The following SLC10A7 variants were observed in gnomAD, a reference collection of about 807,000 sequenced individuals.
SLC10A7 encodes the protein sodium/bile acid cotransporter 7.
SLC10A7 carries 29 observed loss-of-function variants against 43.2 expected under a neutral mutation model. That is an observed-to-expected ratio of 0.67 (90% CI 0.50 to 0.92). The LOEUF (loss-of-function observed/expected upper bound fraction) is 0.92, where lower values mean the gene tolerates loss of function less well. SLC10A7 is among the 40% of genes least tolerant of loss of function. SLC10A7 has a pLI of 0.00. For synonymous variants in SLC10A7, 152 were observed against 144.8 expected, an observed-to-expected ratio of 1.05 and a Z score of -0.35; for missense variants, 295 against 403.2, an observed-to-expected ratio of 0.73 and a Z score of 2.30.
chr4:146,348,134 T>C (rs905827442), intron 5 of SLC10A7, among the ~76,000 whole-genome samples: 1 of 152,156 alleles, frequency 6.6e-6, no homozygotes. Context: ...ATTCAATGGA[T>C]CCAGTGTTTA....
intron 10 of SLC10A7, among the ~76,000 whole-genome samples, chr4:146,274,200 C>CTTT (rs35963098): frequency 9.3e-5 from 11 of 118,534 alleles, no homozygotes; most frequent in African/African-American, 2.6e-4. Flanking sequence ...TCAGATTATA[C>CTTT]TTTTTTTTTT....
At chr4:146,457,519 C>T (rs534373680) in intron 4 of SLC10A7, among the ~76,000 whole-genome samples, 2 of 151,794 alleles carry the variant, frequency 1.3e-5, no homozygotes, top group African/African-American at 4.8e-5. Flanking sequence ...CCTCATCGCC[C>T]CAAAAAACAT....
At chr4:146,355,993 A>C (rs1338719326) in intron 5 of SLC10A7, among the ~76,000 whole-genome samples, 1 of 150,398 alleles carries the variant, frequency 6.6e-6, no homozygotes, top group African/African-American at 2.4e-5. Flanking sequence ...TACATATGTA[A>C]CTAACCTGCA....
intron 10 of SLC10A7, among the ~76,000 whole-genome samples, chr4:146,261,782 A>T (rs973593890): frequency 1.3e-5 from 2 of 152,220 alleles, no homozygotes; most frequent in African/African-American, 4.8e-5. Flanking sequence ...AAAATAATAT[A>T]TCAGAGAAAA....
At chr4:146,459,282 A>G (rs375625976) in intron 4 of SLC10A7, among the ~76,000 whole-genome samples, 7 of 151,902 alleles carry the variant, frequency 4.6e-5, no homozygotes, top group East Asian at 1.9e-4. Context: ...TATAGACTCA[A>G]TGTAATCTCA....
chr4:146,283,651 C>T (rs150550418), intron 9 of SLC10A7, among the ~76,000 whole-genome samples: 1 of 152,270 alleles, frequency 6.6e-6, no homozygotes, highest in East Asian at 1.9e-4. Flanking sequence ...AGGAGCAACA[C>T]ATCCTTTTGG....
rs147881806 is a variant in SLC10A7 at position 146,458,702 on chromosome 4, C to T, written c.397-15881G>A. ...CATTGTAAAGGTTAAACAACTTCCT[C>T]GTTTTTACTATAAAACCCAATCTGC... On this transcript the variant is annotated intron_variant, in intron 4 of 11. Transcript: ENST00000335472. Among the ~76,000 whole-genome samples, 181 of 151,956 alleles carry T rather than the reference C, an allele frequency of 1.2e-3. 1 individual carries two copies. Among genetic ancestry groups the T allele is most frequent in the African/African-American group, 4.1e-3 (170 of 41,528 alleles).
intron 4 of SLC10A7, among the ~76,000 whole-genome samples, chr4:146,470,628 C>T (rs1365886171): frequency 1.3e-5 from 2 of 152,120 alleles, no homozygotes; most frequent in African/African-American, 2.4e-5. Context: ...CAAACTTGAA[C>T]ACAGTTTTTC....
At chr4:146,481,621 C>T (rs1006529570) in intron 4 of SLC10A7, among the ~76,000 whole-genome samples, 1 of 152,196 alleles carries the variant, frequency 6.6e-6, no homozygotes, top group Non-Finnish European at 1.5e-5. Flanking sequence ...GCTGTGCCCC[C>T]CAGGGGCAGT....
At chr4:146,374,601 C>CATAT (rs1337058848) in intron 5 of SLC10A7, among the ~76,000 whole-genome samples, 40 of 132,946 alleles carry the variant, frequency 3.0e-4, no homozygotes, top group African/African-American at 1.1e-3. Flanking sequence ...AAAATATATA[C>CATAT]ATATATATAT....
intron 5 of SLC10A7, among the ~76,000 whole-genome samples, chr4:146,350,787 G>T (rs369081146): frequency 9.6e-6 from 1 of 104,008 alleles, no homozygotes; most frequent in East Asian, 2.6e-4. Context: ...CACCTCACAC[G>T]GCAGGGTATT....
At position 146,398,015 on chromosome 4, in the gene SLC10A7, C is replaced by T. The variant is rs532241923; in HGVS notation, c.435+44768G>A. Among the ~76,000 whole-genome samples, 7 of 152,266 alleles carry T rather than the reference C, an allele frequency of 4.6e-5. No homozygotes were observed. The East Asian group carries it at 5.8e-4, about 13-fold the overall frequency. ...GGCAGCCCAGGTATATATAATGTCA[C>T]AAGTGTCCAAAGATTTATTGACGTA... On this transcript the variant is annotated intron_variant, in intron 5 of 11. Coordinates refer to ENST00000335472, the MANE Select transcript of SLC10A7 (RefSeq NM_001029998.6).
chr4:146,362,093 T>C (rs113238180), intron 5 of SLC10A7, among the ~76,000 whole-genome samples: 7,172 of 151,840 alleles, frequency 0.047, 249 homozygotes, highest in Non-Finnish European at 0.077. Context: ...CTACAAGACA[T>C]AGAAAATAGC....
intron 6 of SLC10A7, among the ~76,000 whole-genome samples, chr4:146,314,418 T>C (rs971279473): frequency 6.6e-6 from 1 of 152,186 alleles, no homozygotes; most frequent in Non-Finnish European, 1.5e-5. Context: ...TATGTGTTTG[T>C]GTATACACAT....
At chr4:146,264,939 C>T (rs1728463091) in intron 10 of SLC10A7, among the ~76,000 whole-genome samples, 1 of 152,184 alleles carries the variant, frequency 6.6e-6, no homozygotes, top group South Asian at 2.1e-4. Context: ...CAGACTCTTC[C>T]CTCATCAATC....
At chr4:146,267,475 C>G (rs1044283181) in intron 10 of SLC10A7, among the ~76,000 whole-genome samples, 1 of 152,198 alleles carries the variant, frequency 6.6e-6, no homozygotes, top group Non-Finnish European at 1.5e-5. Flanking sequence ...ATCACGTGAC[C>G]TGCTCTCATT....
At chr4:146,372,811 AT>A (rs1215157411) in intron 5 of SLC10A7, among the ~76,000 whole-genome samples, 2 of 152,186 alleles carry the variant, frequency 1.3e-5, no homozygotes, top group Non-Finnish European at 2.9e-5. Flanking sequence ...AAAAAGTAAC[AT>A]TTTTTGGATT....
chr4:146,421,173 T>C (rs1015097007), intron 5 of SLC10A7, among the ~76,000 whole-genome samples: 1 of 152,196 alleles, frequency 6.6e-6, no homozygotes, highest in African/African-American at 2.4e-5. Flanking sequence ...TTATTTAATC[T>C]CTATCAGTAC....
chr4:146,418,756 C>A (rs1023606520), intron 5 of SLC10A7, among the ~76,000 whole-genome samples: 22 of 152,102 alleles, frequency 1.4e-4, no homozygotes, highest in Non-Finnish European at 4.4e-5. Context: ...TCAATTCTAA[C>A]ACTCTCCACC....
Sources: allele counts gnomAD v4.1 joint callset (sites outside exome capture counted in the v4.1 genomes callset), GRCh38; gene constraint gnomAD v4.1.1; transcripts MANE v1.5; gene names NCBI Gene and HGNC (gene_info 2026-07-23, HGNC 2026-07-21).